TSHZ1: variants seen among roughly 807,000 people sequenced by gnomAD.
TSHZ1 encodes teashirt zinc finger homeobox 1, also known as teashirt homolog 1.
In TSHZ1, 12 loss-of-function variants were observed where a neutral mutation model predicts 67.1. The ratio of observed to expected loss-of-function variants is 0.18; its 90% confidence interval spans 0.11 to 0.29. The LOEUF (loss-of-function observed/expected upper bound fraction) is 0.29. Ranked by LOEUF, TSHZ1 falls within the 10% of genes least tolerant of loss-of-function variation. The pLI, the probability that TSHZ1 is intolerant of heterozygous loss-of-function variation, is 1.00. For missense variants in TSHZ1, 1,305 were observed against 1,413.9 expected (o/e 0.92, Z 1.23); for synonymous variants, 632 against 622.4 (o/e 1.02, Z -0.23).
At chr18:75,260,639 A>G (rs1443978534) in intron 1 of TSHZ1, among the ~76,000 whole-genome samples, 1 of 152,196 alleles carries the variant, frequency 6.6e-6, no homozygotes, top group East Asian at 1.9e-4. Context: ...ATCTTCAAAA[A>G]GGTGTGCAGA....
rs1359490438 is a variant in TSHZ1 at position 75,210,890 on chromosome 18, A to C, written c.-987A>C. ...AGAGTGCATCTCCCTCTCTCCCAGGAGTTTGAGGGGGGGGGGGACAGTCCA... is the reference window on the plus strand; with the variant it reads ...AGAGTGCATCTCCCTCTCTCCCAGGCGTTTGAGGGGGGGGGGGACAGTCCA... On this transcript the variant is annotated 5_prime_UTR_variant, in exon 1 of 2. Coordinates refer to ENST00000580243, the MANE Select transcript of TSHZ1 (RefSeq NM_001308210.2). The C allele has an allele frequency of 2.6e-5, 2 of 77,774 alleles. No individual in the cohort carries two copies. Among genetic ancestry groups the C allele is most frequent in the East Asian group, 3.9e-4 (1 of 2,542 alleles). 4.8% of individuals were successfully genotyped at this position (77,774 alleles called of 1,614,324 possible).
intron 1 of TSHZ1, among the ~76,000 whole-genome samples, chr18:75,228,258 A>AT (rs2022951651): frequency 6.6e-6 from 1 of 152,232 alleles, no homozygotes; most frequent in African/African-American, 2.4e-5. Context: ...CCGGGAAGGC[A>AT]TTACCAAGGG....
At chr18:75,283,602 A>G (rs1375013252) in intron 1 of TSHZ1, 1 of 152,200 alleles carries the variant, frequency 6.6e-6, no homozygotes, top group African/African-American at 2.4e-5. Flanking sequence ...GAAATGCGTG[A>G]ACACAGGTGC....
At chr18:75,258,197 G>A (rs566502780) in intron 1 of TSHZ1, among the ~76,000 whole-genome samples, 17 of 152,320 alleles carry the variant, frequency 1.1e-4, no homozygotes, top group African/African-American at 3.6e-4. Context: ...GCCACCATGC[G>A]GGTTTTGTTG....
At chr18:75,242,980 G>A (rs1343390181) in intron 1 of TSHZ1, among the ~76,000 whole-genome samples, 1 of 152,202 alleles carries the variant, frequency 6.6e-6, no homozygotes, top group Non-Finnish European at 1.5e-5. Context: ...TGTCCCTGAG[G>A]TGCACACACT....
chr18:75,221,428 A>C (rs1049252066), intron 1 of TSHZ1, among the ~76,000 whole-genome samples: 4 of 152,240 alleles, frequency 2.6e-5, no homozygotes, highest in African/African-American at 9.6e-5. Flanking sequence ...ACCTGTATTT[A>C]TTACATTTTA....
chr18:75,230,187 G>A (rs1900735649), intron 1 of TSHZ1, among the ~76,000 whole-genome samples: 1 of 152,156 alleles, frequency 6.6e-6, no homozygotes, highest in Non-Finnish European at 1.5e-5. Context: ...TAAATGTATT[G>A]TAACCATTAT....
intron 1 of TSHZ1, among the ~76,000 whole-genome samples, chr18:75,266,062 G>A (rs1474291499): frequency 6.6e-6 from 1 of 152,168 alleles, no homozygotes; most frequent in Non-Finnish European, 1.5e-5. Context: ...TTGGTGTCCT[G>A]AGCCTAGACC....
Position 75,287,764 on chromosome 18 carries a change from T to C in TSHZ1, c.2357T>C (p.Val786Ala), listed in dbSNP as rs770903983. The change falls in exon 2 of 2, where the codon GTG becomes GCG. Residue 786 changes from valine (V) to alanine (A), a missense_variant. Physicochemically the swap from Val to Ala is moderately conservative, Grantham distance 64. Around this residue, in one of 3 missense-constraint regions of TSHZ1, gnomAD observed 909 missense variants for 961.8 expected, o/e 0.95. Coordinates refer to ENST00000580243, the MANE Select transcript of TSHZ1 (RefSeq NM_001308210.2). The surrounding 1 kb of genome is among the most constrained non-coding windows in gnomAD (Gnocchi z 5.0). ...AGCAACAGCATGCTGGACAAGCCGG[T>C]GTACCCCGCCACCCCTGTGAAGCAG... ...KISNSMLDKPVYPATPVKQAD... is the reference protein window; with the variant it reads ...KISNSMLDKPAYPATPVKQAD... The C allele has an allele frequency of 3.1e-6, 5 of 1,614,058 alleles. No individual in the cohort carries two copies. Among genetic ancestry groups the C allele is most frequent in the Non-Finnish European group, 4.2e-6 (5 of 1,180,048 alleles).
chr18:75,268,621 T>C (rs1161244255), intron 1 of TSHZ1, among the ~76,000 whole-genome samples: 3 of 152,146 alleles, frequency 2.0e-5, no homozygotes, highest in Admixed American at 2.0e-4. Context: ...AATTGGACAT[T>C]AGTACTGCAA....
intron 1 of TSHZ1, among the ~76,000 whole-genome samples, chr18:75,267,029 C>T (rs1382599264): frequency 6.6e-6 from 1 of 152,052 alleles, no homozygotes; most frequent in Admixed American, 6.5e-5. Context: ...CTGACATAGC[C>T]AAAAAGTTTT....
chr18:75,272,929 A>G (rs1314131514), intron 1 of TSHZ1, among the ~76,000 whole-genome samples: 2 of 152,220 alleles, frequency 1.3e-5, no homozygotes, highest in African/African-American at 4.8e-5. Context: ...CAATGATTCC[A>G]AACATCCAAA....
chr18:75,266,867 A>G (rs1047157048), intron 1 of TSHZ1, among the ~76,000 whole-genome samples: 3 of 152,222 alleles, frequency 2.0e-5, no homozygotes, highest in African/African-American at 7.2e-5. Context: ...AGTTTCTAAA[A>G]TGTGATGAAG....
At chr18:75,239,648 G>A (rs1331223385) in intron 1 of TSHZ1, among the ~76,000 whole-genome samples, 2 of 152,108 alleles carry the variant, frequency 1.3e-5, no homozygotes, top group Non-Finnish European at 2.9e-5. Context: ...CCGCAGATGT[G>A]TCCTACCACA....
intron 1 of TSHZ1, among the ~76,000 whole-genome samples, chr18:75,233,428 T>C (rs1333354681): frequency 6.6e-6 from 1 of 152,222 alleles, no homozygotes; most frequent in Non-Finnish European, 1.5e-5. Flanking sequence ...ATAGTGACAA[T>C]ACTAAAAAGA....
At chr18:75,216,809 G>A (rs1173817807) in intron 1 of TSHZ1, among the ~76,000 whole-genome samples, 1 of 152,210 alleles carries the variant, frequency 6.6e-6, no homozygotes, top group African/African-American at 2.4e-5. Context: ...GAGGGCCTGG[G>A]TGGGAAGGAG....
At chr18:75,215,618 C>G (rs1270335328) in intron 1 of TSHZ1, among the ~76,000 whole-genome samples, 1 of 152,170 alleles carries the variant, frequency 6.6e-6, no homozygotes, top group Non-Finnish European at 1.5e-5. Context: ...CCCAGGAAGG[C>G]TAAATGATGA....
At chr18:75,222,637 C>T (rs968932741) in intron 1 of TSHZ1, among the ~76,000 whole-genome samples, 1 of 152,152 alleles carries the variant, frequency 6.6e-6, no homozygotes, top group Non-Finnish European at 1.5e-5. Flanking sequence ...CTCCTCCTCT[C>T]TGGCTTATTC....
Position 75,285,866 on chromosome 18 carries a change from C to T in TSHZ1, c.459C>T (p.Ser153=). The change falls in exon 2 of 2, where the codon AGC becomes AGT. Residue 153 remains serine, a synonymous_variant. Transcript: ENST00000580243. ...TSTNDASQKE[S]SAPTPTPPTC... The stretch of plus-strand genomic sequence containing the variant: ...CCAACGATGCCAGCCAGAAGGAGAG[C>T]TCCGCCCCCACCCCCACACCCCCCA... 5 of 1,599,614 alleles carry T rather than the reference C, an allele frequency of 3.1e-6. No homozygotes were observed. The highest frequency in any genetic ancestry group is 2.2e-5 in the South Asian group (2 of 89,108).
Sources: gnomAD v4.1 joint callset for allele counts (sites outside exome capture counted in the v4.1 genomes callset) on GRCh38, gnomAD v4.1.1 for gene constraint, gnomAD v4.1.1 regional missense constraint, Gnocchi (gnomAD v3.1) non-coding constraint, MANE v1.5 for transcripts, NCBI Gene and HGNC (gene_info 2026-07-23, HGNC 2026-07-21) for gene names.